PCDHGB1: variants seen among roughly 807,000 people sequenced by gnomAD.
PCDHGB1 encodes the protein protocadherin gamma-B1.
A neutral mutation model predicts 56.6 loss-of-function variants in PCDHGB1; 34 were observed. The observed-to-expected ratio is 0.60, with a 90% CI of 0.46 to 0.80. The LOEUF (loss-of-function observed/expected upper bound fraction) is 0.80, where lower values mean the gene tolerates loss of function less well. Ranked by LOEUF, PCDHGB1 falls within the 30% of genes least tolerant of loss-of-function variation. The pLI is 0.00. For synonymous variants in PCDHGB1, 561 were observed against 505.9 expected (o/e 1.11, Z -1.46); for missense variants, 1,278 against 1,204.6 (o/e 1.06, Z -0.90).
At chr5:141,454,796 ATTTTTTT>A (rs61612330) in intron 1 of PCDHGB1, among the ~76,000 whole-genome samples, 2,943 of 77,244 alleles carry the variant, frequency 0.038, 52 homozygotes, top group African/African-American at 0.09. Context: ...CATGGTTCTA[ATTTTTTT>A]TTTTTTTTTT....
rs566234229 is a variant in PCDHGB1, at chr5:141,351,445, G to A, written c.1185G>A (p.Lys395=). Residue 395 remains lysine (K), a synonymous_variant, in exon 1 of 4, where the codon AAG becomes AAA. Coordinates refer to ENST00000523390, the MANE Select transcript of PCDHGB1 (RefSeq NM_018922.3). ...EVPFKLESTS[K]NYYKLVIAGA... is the part of the protein sequence containing the mutation. Reference sequence around the variant, plus strand: ...CTTTCAAATTAGAATCCACCTCGAAGAATTATTACAAGCTGGTGATTGCTG... The same window carrying A: ...CTTTCAAATTAGAATCCACCTCGAAAAATTATTACAAGCTGGTGATTGCTG... 6.8e-6 allele frequency: 11 copies of A among 1,612,822 alleles called. No individual in the cohort carries two copies. In the Admixed American group the frequency reaches 1.8e-4, roughly 27 times the overall value.
In PCDHGB1 at chr5:141,384,252, CT is replaced by C; in HGVS notation, c.2409+31585del. On this transcript the variant is annotated intron_variant, in intron 1 of 3. Transcript: ENST00000523390. ...CAGACACCAACGATAACCCACCCAC[CT>C]TCCCCCACTCATCCTACTCAGTCTA... 4 of 1,613,902 alleles carry C rather than the reference CT, an allele frequency of 2.5e-6. 1 individual carries two copies. In the South Asian group the frequency reaches 4.4e-5, roughly 18 times the overall value.
chr5:141,502,866 CTT>C (rs549047197), intron 2 of PCDHGB1, among the ~76,000 whole-genome samples: 3 of 127,996 alleles, frequency 2.3e-5, no homozygotes, highest in Admixed American at 8.6e-5. Flanking sequence ...GACTCTCTGT[CTT>C]TTTTTTTTTT....
intron 1 of PCDHGB1, chr5:141,365,861 A>T (rs755321974): frequency 3.1e-6 from 5 of 1,613,912 alleles, no homozygotes; most frequent in Non-Finnish European, 4.2e-6. Context: ...TAACTCTGAC[A>T]CCGGTGTCCT....
Position 141,432,563 on chromosome 5 carries a change from G to T in PCDHGB1, c.2410-62244G>T. 2 of 1,613,912 alleles carry T rather than the reference G, an allele frequency of 1.2e-6. No homozygotes were observed. Among genetic ancestry groups the T allele is most frequent in the Non-Finnish European group, 1.7e-6 (2 of 1,179,996 alleles). The stretch of plus-strand genomic sequence containing the variant: ...GGTGGACAGAGACTCCGGCCAGAAC[G>T]CCTGGCTGTCCTACCGTCTGCTCAA... On this transcript the variant is annotated intron_variant, in intron 1 of 3. Transcript: ENST00000523390. The surrounding 1 kb of genome is among the most constrained non-coding windows in gnomAD (Gnocchi z 6.0).
At chr5:141,370,305 G>T in intron 1 of PCDHGB1, 2 of 1,206,280 alleles carry the variant, frequency 1.7e-6, no homozygotes, top group Non-Finnish European at 2.3e-6. Context: ...CAAAGACAAA[G>T]CAAATAGTTG....
At position 141,447,650 on chromosome 5, in the gene PCDHGB1, T is replaced by C. The variant is rs555134653; in HGVS notation, c.2410-47157T>C. Reference sequence around the variant, plus strand: ...AACAGTATGAATGATGGTAGAATTTTCCCCCCCAGGAAGTTAGAACTGTTC... The same window carrying C: ...AACAGTATGAATGATGGTAGAATTTCCCCCCCCAGGAAGTTAGAACTGTTC... On this transcript the variant is annotated intron_variant, in intron 1 of 3. Transcript: ENST00000523390. Among the ~76,000 whole-genome samples, 24 of 152,106 alleles carry C rather than the reference T, an allele frequency of 1.6e-4. No homozygotes were observed. The South Asian group carries it at 2.3e-3, about 15-fold the overall frequency.
chr5:141,392,713 G>C, intron 1 of PCDHGB1: 1 of 1,363,444 alleles, frequency 7.3e-7, no homozygotes, highest in Non-Finnish European at 9.6e-7. Flanking sequence ...AGGCACTCCA[G>C]GTTTCCGGAG....
intron 1 of PCDHGB1, among the ~76,000 whole-genome samples, chr5:141,381,826 C>CTTTTTTTTTTTTTTTTTTTTT (rs770630741): frequency 2.7e-5 from 2 of 74,284 alleles, no homozygotes; most frequent in Admixed American, 1.9e-4. Flanking sequence ...CTTTCTTCTT[C>CTTTTTTTTTTTTTTTTTTTTT]TTTTTTTTTT....
intron 1 of PCDHGB1, chr5:141,427,957 C>T: frequency 2.5e-6 from 4 of 1,588,402 alleles, no homozygotes; most frequent in South Asian, 1.1e-5. Context: ...GACAATGTGC[C>T]GCGGGTGCTG....
chr5:141,392,759 T>C, intron 1 of PCDHGB1: 1 of 1,473,194 alleles, frequency 6.8e-7, no homozygotes, highest in Non-Finnish European at 9.0e-7. Flanking sequence ...AGAAACTAAA[T>C]AAGACCCATT....
In PCDHGB1 at chr5:141,490,729, C is replaced by G. The variant is rs1365931429; in HGVS notation, c.2410-4078C>G. ...CCTCACCTACTCCATTGTAGGAAAT[C>G]AGGTTCAGGGAGCCCCAGCCTCCTC... On this transcript the variant is annotated intron_variant, in intron 1 of 3. Coordinates refer to ENST00000523390, the MANE Select transcript of PCDHGB1 (RefSeq NM_018922.3). The surrounding 1 kb of genome is among the most constrained non-coding windows in gnomAD (Gnocchi z 5.4). 1 of 1,614,184 alleles carries G rather than the reference C, an allele frequency of 6.2e-7. No homozygotes were observed.
At chr5:141,388,798 TA>T in intron 1 of PCDHGB1, 3 of 1,613,888 alleles carry the variant, frequency 1.9e-6, no homozygotes, top group Non-Finnish European at 2.5e-6. Flanking sequence ...TTAAATACAT[TA>T]GATTTTGAAG....
intron 1 of PCDHGB1, chr5:141,362,221 T>C: frequency 1.2e-6 from 2 of 1,614,044 alleles, no homozygotes; most frequent in Non-Finnish European, 1.7e-6. Context: ...GGTTGTGGCC[T>C]TGGCCTTGAT....
intron 1 of PCDHGB1, among the ~76,000 whole-genome samples, chr5:141,484,045 G>A (rs934525987): frequency 7.9e-5 from 12 of 152,026 alleles, no homozygotes; most frequent in African/African-American, 2.9e-4. Context: ...AGCTCCAAGA[G>A]GTCCCCTGGG....
intron 1 of PCDHGB1, among the ~76,000 whole-genome samples, chr5:141,445,652 A>C (rs1307606419): frequency 6.6e-6 from 1 of 152,212 alleles, no homozygotes; most frequent in African/African-American, 2.4e-5. Context: ...TGAATAGATT[A>C]ATAGGATGAG....
chr5:141,415,883 G>A (rs2095968409), intron 1 of PCDHGB1: 1 of 983,982 alleles, frequency 1.0e-6, no homozygotes, highest in African/African-American at 1.7e-5. Context: ...GTACAATATT[G>A]ACAATTCCTA....
intron 1 of PCDHGB1, among the ~76,000 whole-genome samples, chr5:141,448,952 C>A (rs1278778374): frequency 2.6e-5 from 4 of 151,698 alleles, no homozygotes; most frequent in Non-Finnish European, 5.9e-5. Flanking sequence ...CTCAAAAAAA[C>A]AAACAAACAA....
At chr5:141,410,338 C>T (rs1050053577) in intron 1 of PCDHGB1, 35 of 1,613,900 alleles carry the variant, frequency 2.2e-5, no homozygotes, top group Non-Finnish European at 2.2e-5. Context: ...TGGCCATTGC[C>T]TTGCGCCTGC....
Sources: allele counts gnomAD v4.1 joint callset (sites outside exome capture counted in the v4.1 genomes callset), GRCh38; gene constraint gnomAD v4.1.1; non-coding constraint Gnocchi (gnomAD v3.1); transcripts MANE v1.5; gene names NCBI Gene and HGNC (gene_info 2026-07-23, HGNC 2026-07-21).